The following PIGU variants were observed in gnomAD, a reference collection of about 807,000 sequenced individuals.
PIGU encodes the protein GPI-anchor transamidase component PIGU.
Under a neutral mutation model 49.9 loss-of-function variants are expected in PIGU, and 24 were observed. The observed-to-expected ratio is 0.48, with a 90% CI of 0.35 to 0.68. The LOEUF is 0.68. PIGU is among the 30% of genes least tolerant of loss of function. PIGU has a pLI of 0.01. For missense variants in PIGU, 490 were observed against 532.6 expected (o/e 0.92, Z 0.79); for synonymous variants, 220 against 205.7 (o/e 1.07, Z -0.59).
At chr20:34,634,511 A>C in intron 6 of PIGU, 104 bp downstream of exon 6, 1 of 1,391,934 alleles carries the variant, frequency 7.2e-7, no homozygotes, top group Non-Finnish European at 9.4e-7. Context: ...AAATGTTTTT[A>C]AGTGTTGCAT....
At chr20:34,565,132 C>T (rs1935387079) in intron 11 of PIGU, among the ~76,000 whole-genome samples, 1 of 152,210 alleles carries the variant, frequency 6.6e-6, no homozygotes, top group South Asian at 2.1e-4. Flanking sequence ...GGGCAAGGGG[C>T]TGTGGAATTT....
intron 7 of PIGU, among the ~76,000 whole-genome samples, chr20:34,601,518 T>C (rs1408031916): frequency 1.3e-5 from 2 of 152,152 alleles, no homozygotes; most frequent in African/African-American, 2.4e-5. Flanking sequence ...GTTGATTATA[T>C]AAATTGGGTC....
intron 11 of PIGU, 21 bp downstream of exon 11, chr20:34,575,083 C>A (rs368003923): frequency 1.2e-6 from 2 of 1,612,542 alleles, no homozygotes; most frequent in Admixed American, 1.7e-5. Context: ...CCCAAGCTGA[C>A]CCCCATGCTG....
chr20:34,584,992 A>C (rs1385207047), intron 9 of PIGU, among the ~76,000 whole-genome samples: 1 of 152,142 alleles, frequency 6.6e-6, no homozygotes, highest in African/African-American at 2.4e-5. Context: ...CCAGGCAGCC[A>C]CCTGGCTAAT....
chr20:34,599,213 G>A (rs1984315992), intron 7 of PIGU, among the ~76,000 whole-genome samples: 2 of 152,128 alleles, frequency 1.3e-5, no homozygotes, highest in African/African-American at 4.8e-5. Context: ...AGCACTTTGG[G>A]AGGCCAAGGT....
At chr20:34,625,109 C>T (rs980496157) in intron 6 of PIGU, among the ~76,000 whole-genome samples, 7 of 152,170 alleles carry the variant, frequency 4.6e-5, no homozygotes, top group Non-Finnish European at 8.8e-5. Flanking sequence ...TGGTGGCTCA[C>T]GCATGTAATC....
chr20:34,677,072 A>G lies in PIGU; in HGVS notation c.14T>C (p.Leu5Ser), dbSNP rs771427469. Residue 5 changes from leucine (L) to serine (S), a missense_variant, in exon 1 of 12, where the codon TTG becomes TCG. Leu to Ser is a moderately radical substitution (Grantham distance 145, BLOSUM62 -2). Transcript: ENST00000217446. MAAPLVLVLVVAVTV... is the reference protein window; with the variant it reads MAAPSVLVLVVAVTV... ...CACAGCCACCACCAGCACCAGGACC[A>G]AGGGAGCCGCCATGATAACTGGGGC... 4 of 1,564,598 alleles carry G rather than the reference A, an allele frequency of 2.6e-6. No individual in the cohort carries two copies. The South Asian group carries it at 3.5e-5, about 14-fold the overall frequency.
intron 7 of PIGU, among the ~76,000 whole-genome samples, chr20:34,611,648 G>GAAAAAAAAAAAAAAAAGAAAAAA (rs1984816142): frequency 1.5e-5 from 1 of 65,010 alleles, no homozygotes; most frequent in Admixed American, 1.8e-4. Context: ...TCAAGTCTCA[G>GAAAAAAAAAAAAAAAAGAAAAAA]AAAAAAAAAA....
chr20:34,654,853 A>G lies in PIGU; in HGVS notation c.195+2327T>C. 1.7e-5 allele frequency among the ~76,000 whole-genome samples: 2 copies of G among 115,936 alleles called. 1 individual carries two copies. The highest frequency in any genetic ancestry group is 3.6e-5 in the Non-Finnish European group (2 of 54,878). The allele number at this position is 115,936 out of a possible 152,430, so 76.1% of individuals were successfully genotyped here. On this transcript the variant is annotated intron_variant, in intron 2 of 11. Coordinates refer to ENST00000217446, the MANE Select transcript of PIGU (RefSeq NM_080476.5). ...AACCCCGTCTCCACTAAAAATACAA[A>G]AATTAGCCAGGCATGGTGGCGCGTG...
chr20:34,603,037 T>A (rs76085915), intron 7 of PIGU, among the ~76,000 whole-genome samples: 1 of 145,464 alleles, frequency 6.9e-6, no homozygotes, highest in South Asian at 2.1e-4. Context: ...TGCCCATATC[T>A]TTTTTTTTTT....
intron 6 of PIGU, 125 bp downstream of exon 6, chr20:34,634,490 G>A: frequency 7.5e-7 from 1 of 1,339,248 alleles, no homozygotes; most frequent in Non-Finnish European, 9.7e-7. Flanking sequence ...TATTACTTGT[G>A]TAATTTTTAA....
chr20:34,646,821 T>C (rs2146773123), intron 2 of PIGU, among the ~76,000 whole-genome samples: 1 of 152,262 alleles, frequency 6.6e-6, no homozygotes, highest in South Asian at 2.1e-4. Context: ...AGGAGTTTTC[T>C]TTTCTTTTCT....
chr20:34,662,137 A>T (rs1287463096), intron 1 of PIGU, among the ~76,000 whole-genome samples: 1 of 152,146 alleles, frequency 6.6e-6, no homozygotes, highest in South Asian at 2.1e-4. Context: ...CAGTGGCATG[A>T]TCAGGGCTCA....
At chr20:34,604,302 A>G (rs1984536453) in intron 7 of PIGU, among the ~76,000 whole-genome samples, 1 of 152,204 alleles carries the variant, frequency 6.6e-6, no homozygotes, top group African/African-American at 2.4e-5. Flanking sequence ...CTACAGCACT[A>G]GGGAGAAAAG....
intron 6 of PIGU, among the ~76,000 whole-genome samples, chr20:34,624,814 A>C (rs577929330): frequency 9.9e-5 from 15 of 152,256 alleles, no homozygotes; most frequent in African/African-American, 3.4e-4. Flanking sequence ...AGGACATCAC[A>C]ATACAATGGC....
chr20:34,565,712 C>CAT (rs1982720070), intron 11 of PIGU, among the ~76,000 whole-genome samples: 1 of 150,604 alleles, frequency 6.6e-6, no homozygotes, highest in East Asian at 2.0e-4. Flanking sequence ...TCTCTGGACA[C>CAT]ACACACACAC....
At chr20:34,670,836 G>A (rs914251479) in intron 1 of PIGU, among the ~76,000 whole-genome samples, 9 of 152,156 alleles carry the variant, frequency 5.9e-5, no homozygotes, top group African/African-American at 1.9e-4. Context: ...GAGCCACCAT[G>A]CCCAGCAACC....
At chr20:34,636,682 G>A (rs1985975306) in intron 5 of PIGU, among the ~76,000 whole-genome samples, 1 of 152,204 alleles carries the variant, frequency 6.6e-6, no homozygotes, top group African/African-American at 2.4e-5. Context: ...TCCTGGCAGA[G>A]AAAGTGAAAA....
At chr20:34,587,564 C>T (rs528435030) in intron 8 of PIGU, among the ~76,000 whole-genome samples, 7 of 152,216 alleles carry the variant, frequency 4.6e-5, no homozygotes, top group Non-Finnish European at 1.0e-4. Flanking sequence ...CTATATTCAC[C>T]ACACTGTGCT....
Sources: allele counts gnomAD v4.1 joint callset (sites outside exome capture counted in the v4.1 genomes callset), GRCh38; gene constraint gnomAD v4.1.1; transcripts MANE v1.5; gene names NCBI Gene and HGNC (gene_info 2026-07-23, HGNC 2026-07-21).